Variants in BTC observed in about 807,000 individuals in gnomAD.
BTC encodes betacellulin.
BTC carries 13 observed loss-of-function variants against 18.1 expected under a neutral mutation model. The observed-to-expected ratio is 0.72, with a 90% CI of 0.47 to 1.14. BTC has a LOEUF of 1.14. Among genes scored for constraint, BTC ranks in the 50% most tolerant of loss-of-function variants. The pLI is 0.00. For missense variants in BTC, 247 were observed against 224.2 expected (o/e 1.10, Z -0.65); for synonymous variants, 83 against 79.4 (o/e 1.05, Z -0.24).
rs1188353989 is a variant in BTC at position 74,757,196 on chromosome 4, A to G, written c.164-1220T>C. ...TTGAATAATCATTTTATTAATAGCA[A>G]TGACTACTAAATATCTTAATTAATA... On this transcript the variant is annotated intron_variant, in intron 2 of 5. Transcript: ENST00000395743. 2.0e-5 allele frequency among the ~76,000 whole-genome samples: 3 copies of G among 152,222 alleles called. No homozygotes were observed. The East Asian group carries it at 5.8e-4, about 29-fold the overall frequency.
chr4:74,762,438 G>A (rs1469042020), intron 2 of BTC, among the ~76,000 whole-genome samples: 4 of 152,116 alleles, frequency 2.6e-5, no homozygotes, highest in African/African-American at 4.8e-5. Context: ...TATACATAAA[G>A]CACTCAGAAC....
intron 1 of BTC, among the ~76,000 whole-genome samples, chr4:74,775,690 T>G (rs1439551018): frequency 1.3e-5 from 2 of 152,172 alleles, no homozygotes; most frequent in Non-Finnish European, 2.9e-5. Flanking sequence ...AACACCTACT[T>G]CTAAAGCTCC....
At chr4:74,773,147 G>A (rs1725088845) in intron 1 of BTC, among the ~76,000 whole-genome samples, 1 of 152,220 alleles carries the variant, frequency 6.6e-6, no homozygotes, top group African/African-American at 2.4e-5. Context: ...GCCTGAAGAA[G>A]CATTTGCCTG....
At chr4:74,760,207 A>G (rs1724712607) in intron 2 of BTC, among the ~76,000 whole-genome samples, 1 of 152,204 alleles carries the variant, frequency 6.6e-6, no homozygotes. Context: ...TTATAGCCTT[A>G]TAGTATCTCC....
chr4:74,749,865 C>G (rs1328909257), intron 4 of BTC, among the ~76,000 whole-genome samples: 6 of 140,350 alleles, frequency 4.3e-5, no homozygotes, highest in African/African-American at 1.6e-4. Flanking sequence ...GAGGCTGAGG[C>G]GGGAGGATCA....
At chr4:74,774,871 A>G (rs1725137128) in intron 1 of BTC, among the ~76,000 whole-genome samples, 1 of 152,114 alleles carries the variant, frequency 6.6e-6, no homozygotes, top group Non-Finnish European at 1.5e-5. Context: ...TAATATCAGC[A>G]TGGGTGATTC....
rs1277157912 is a variant in BTC at position 74,746,627 on chromosome 4, G to GC, written c.*49dup. ...ACACATTCTGTCCATTTTCAAATGAGCAAGGCACTTTGCAGCTTGCCACCA... is the reference window on the plus strand; with the variant it reads ...ACACATTCTGTCCATTTTCAAATGAGCCAAGGCACTTTGCAGCTTGCCACCA... On this transcript the variant is annotated 3_prime_UTR_variant, in exon 6 of 6. Coordinates refer to ENST00000395743, the MANE Select transcript of BTC (RefSeq NM_001729.4). 2 of 152,580 alleles carry GC rather than the reference G, an allele frequency of 1.3e-5. No individual in the cohort carries two copies. The highest frequency in any genetic ancestry group is 1.5e-5 in the Non-Finnish European group (1 of 68,028). 9.5% of individuals were successfully genotyped at this position (152,580 alleles called of 1,614,324 possible). A position where few individuals can be genotyped will look rare whatever the true frequency, so the allele number is the denominator to read the frequency against.
intron 2 of BTC, among the ~76,000 whole-genome samples, chr4:74,761,087 A>G (rs1553957279): frequency 1.3e-5 from 2 of 151,874 alleles, no homozygotes; most frequent in Non-Finnish European, 2.9e-5. Context: ...GCTTATAGGA[A>G]TGGGCCTTCA....
At chr4:74,761,062 G>A (rs1724743904) in intron 2 of BTC, among the ~76,000 whole-genome samples, 1 of 151,854 alleles carries the variant, frequency 6.6e-6, no homozygotes, top group Non-Finnish European at 1.5e-5. Flanking sequence ...GGAGGGCCCT[G>A]CCAACCATTT....
chr4:74,774,621 G>A (rs534585422), intron 1 of BTC, among the ~76,000 whole-genome samples: 3 of 151,584 alleles, frequency 2.0e-5, no homozygotes, highest in African/African-American at 7.3e-5. Context: ...CTTGTAATAA[G>A]TAAAAGGAAT....
chr4:74,784,476 T>A (rs920199664), intron 1 of BTC, among the ~76,000 whole-genome samples: 8 of 152,158 alleles, frequency 5.3e-5, no homozygotes, highest in Non-Finnish European at 7.4e-5. Flanking sequence ...GTAGGAGTGG[T>A]GAGAGATGGC....
At chr4:74,758,147 G>A (rs1553956954) in intron 2 of BTC, among the ~76,000 whole-genome samples, 2 of 152,156 alleles carry the variant, frequency 1.3e-5, no homozygotes, top group Non-Finnish European at 2.9e-5. Context: ...AGAATATGCA[G>A]GTCTAATGCA....
intron 4 of BTC, among the ~76,000 whole-genome samples, chr4:74,748,665 T>A (rs962356879): frequency 6.6e-6 from 1 of 152,064 alleles, no homozygotes; most frequent in African/African-American, 2.4e-5. Flanking sequence ...ATTGATGGAG[T>A]TTAGTTAGCA....
At chr4:74,779,441 C>T (rs950517746) in intron 1 of BTC, among the ~76,000 whole-genome samples, 1 of 152,108 alleles carries the variant, frequency 6.6e-6, no homozygotes, top group South Asian at 2.1e-4. Context: ...TCTCAGAAAT[C>T]GTCAGTTGTC....
intron 1 of BTC, among the ~76,000 whole-genome samples, chr4:74,787,122 G>A (rs373192291): frequency 6.9e-4 from 105 of 152,182 alleles, no homozygotes; most frequent in African/African-American, 2.3e-3. Context: ...ACTAAATAAA[G>A]TTAAACAAGT....
chr4:74,752,942 T>C (rs557494939), intron 3 of BTC, among the ~76,000 whole-genome samples: 2 of 152,338 alleles, frequency 1.3e-5, no homozygotes, highest in African/African-American at 4.8e-5. Context: ...TAAGCAGTAC[T>C]TCCTGTAAGT....
chr4:74,770,393 G>A (rs1364663946), intron 1 of BTC, among the ~76,000 whole-genome samples: 10 of 152,112 alleles, frequency 6.6e-5, no homozygotes, highest in Admixed American at 4.6e-4. Context: ...GGATCTTAAG[G>A]AGGAAACTTG....
At chr4:74,770,915 A>ATGTGTGTG (rs61202126) in intron 1 of BTC, among the ~76,000 whole-genome samples, 10 of 141,982 alleles carry the variant, frequency 7.0e-5, no homozygotes, top group East Asian at 4.2e-4. Flanking sequence ...TATATCGTGT[A>ATGTGTGTG]TGTGTGTGTG....
chr4:74,764,015 T>C (rs1173528789), intron 2 of BTC, among the ~76,000 whole-genome samples: 3 of 151,730 alleles, frequency 2.0e-5, no homozygotes, highest in African/African-American at 7.3e-5. Flanking sequence ...AATAATAAAT[T>C]TTAAAGAAAG....
Sources: gnomAD v4.1 joint callset for allele counts (sites outside exome capture counted in the v4.1 genomes callset) on GRCh38, gnomAD v4.1.1 for gene constraint, MANE v1.5 for transcripts, NCBI Gene and HGNC (gene_info 2026-07-23, HGNC 2026-07-21) for gene names.